Variants in TNR observed in about 807,000 individuals in gnomAD.
TNR encodes tenascin-R.
In TNR, 45 loss-of-function variants were observed where a neutral mutation model predicts 150.4. The observed-to-expected ratio is 0.30, with a 90% CI of 0.24 to 0.38. TNR has a LOEUF of 0.38. Ranked by LOEUF, TNR falls within the 10% of genes least tolerant of loss-of-function variation. The pLI, the probability that TNR is intolerant of heterozygous loss-of-function variation, is 1.00. For synonymous variants in TNR, 687 were observed against 678.4 expected (o/e 1.01, Z -0.20); for missense variants, 1,544 against 1,759.1 (o/e 0.88, Z 2.19).
chr1:175,361,915 C>T (rs1054119367), intron 14 of TNR, among the ~76,000 whole-genome samples: 1 of 152,204 alleles, frequency 6.6e-6, no homozygotes, highest in South Asian at 2.1e-4. Context: ...TTCTCTTCAG[C>T]CCCATTGCGT....
intron 7 of TNR, among the ~76,000 whole-genome samples, chr1:175,386,830 A>T (rs572682637): frequency 5.3e-5 from 8 of 152,298 alleles, no homozygotes; most frequent in African/African-American, 1.9e-4. Flanking sequence ...AGTTGCTAAG[A>T]CCATTTAAAA....
At chr1:175,679,910 C>G (rs1156672049) in intron 1 of TNR, among the ~76,000 whole-genome samples, 1 of 152,146 alleles carries the variant, frequency 6.6e-6, no homozygotes, top group Non-Finnish European at 1.5e-5. Flanking sequence ...TCACTGCCAG[C>G]CTATCAAGTC....
At chr1:175,447,042 T>C (rs1282473425) in intron 2 of TNR, among the ~76,000 whole-genome samples, 1 of 152,234 alleles carries the variant, frequency 6.6e-6, no homozygotes, top group East Asian at 1.9e-4. Flanking sequence ...CATGTGCATG[T>C]GTGTTTGCGT....
At chr1:175,635,377 C>T (rs1414716510) in intron 1 of TNR, among the ~76,000 whole-genome samples, 2 of 152,222 alleles carry the variant, frequency 1.3e-5, no homozygotes, top group Non-Finnish European at 2.9e-5. Context: ...GGAAATTCTC[C>T]AGTTGGGATT....
At position 175,328,298 on chromosome 1, in the gene TNR, A is replaced by T. The variant is rs1050785203; in HGVS notation, c.3793+1776T>A. ...CTCAACAACCTCTGATTGATAACTT[A>T]ATTTGTAATTTTCAGTTCTGATCCA... On this transcript the variant is annotated intron_variant, in intron 21 of 22. Coordinates refer to ENST00000367674, the MANE Select transcript of TNR (RefSeq NM_003285.3). 2.6e-5 allele frequency among the ~76,000 whole-genome samples: 4 copies of T among 152,284 alleles called. No individual in the cohort carries two copies. In the South Asian group the frequency reaches 8.3e-4, roughly 32 times the overall value.
chr1:175,616,945 C>T (rs908222776), intron 1 of TNR, among the ~76,000 whole-genome samples: 1 of 152,192 alleles, frequency 6.6e-6, no homozygotes, highest in African/African-American at 2.4e-5. Context: ...CAGCTTCAGC[C>T]ATCTATAATT....
chr1:175,528,777 T>C (rs1382927478), intron 1 of TNR, among the ~76,000 whole-genome samples: 2 of 152,160 alleles, frequency 1.3e-5, no homozygotes, highest in Non-Finnish European at 1.5e-5. Context: ...CTTATGTCCT[T>C]AATGTCCTTG....
intron 1 of TNR, among the ~76,000 whole-genome samples, chr1:175,555,579 A>C (rs1661124853): frequency 6.6e-6 from 1 of 152,076 alleles, no homozygotes; most frequent in Admixed American, 6.5e-5. Flanking sequence ...ACAAGATGCA[A>C]AATTCAGCTC....
chr1:175,526,526 TAC>T (rs777322799), intron 2 of TNR, among the ~76,000 whole-genome samples: 4 of 152,164 alleles, frequency 2.6e-5, no homozygotes, highest in Non-Finnish European at 5.9e-5. Flanking sequence ...GAGAAAGTAG[TAC>T]GGTACTTCAA....
At chr1:175,558,643 T>A (rs1340254964) in intron 1 of TNR, among the ~76,000 whole-genome samples, 1 of 152,202 alleles carries the variant, frequency 6.6e-6, no homozygotes, top group Non-Finnish European at 1.5e-5. Flanking sequence ...ATTGATCCCA[T>A]GGGAGTTTTA....
intron 1 of TNR, among the ~76,000 whole-genome samples, chr1:175,729,013 A>T (rs1032946374): frequency 2.0e-5 from 3 of 152,184 alleles, no homozygotes; most frequent in Non-Finnish European, 4.4e-5. Context: ...AGGGAGAGGC[A>T]TTCAAAAGGA....
chr1:175,496,727 G>C (rs1229917436), intron 2 of TNR, among the ~76,000 whole-genome samples: 2 of 152,194 alleles, frequency 1.3e-5, no homozygotes, highest in South Asian at 2.1e-4. Flanking sequence ...TCTCCTAGCT[G>C]TTAAAAAGGG....
At chr1:175,729,263 C>A (rs1667563216) in intron 1 of TNR, among the ~76,000 whole-genome samples, 1 of 152,132 alleles carries the variant, frequency 6.6e-6, no homozygotes, top group African/African-American at 2.4e-5. Context: ...AATAGGGAAG[C>A]ATTTTCCTGG....
At chr1:175,503,810 G>T (rs990060250) in intron 2 of TNR, among the ~76,000 whole-genome samples, 1 of 152,226 alleles carries the variant, frequency 6.6e-6, no homozygotes, top group Non-Finnish European at 1.5e-5. Context: ...AGACAAAGAG[G>T]AAGATGGGGG....
chr1:175,504,676 G>A (rs975533521), intron 2 of TNR, among the ~76,000 whole-genome samples: 7 of 152,072 alleles, frequency 4.6e-5, no homozygotes, highest in Non-Finnish European at 1.0e-4. Flanking sequence ...TGGAGCCCCC[G>A]GCCTTCCATA....
intron 1 of TNR, among the ~76,000 whole-genome samples, chr1:175,575,016 T>G (rs1193493646): frequency 6.6e-6 from 1 of 152,244 alleles, no homozygotes; most frequent in Non-Finnish European, 1.5e-5. Flanking sequence ...TCATTGGTGC[T>G]ATTGACCAAG....
chr1:175,514,184 G>A (rs1394722171), intron 2 of TNR, among the ~76,000 whole-genome samples: 2 of 152,180 alleles, frequency 1.3e-5, no homozygotes, highest in Non-Finnish European at 2.9e-5. Context: ...TATTCCTAGT[G>A]TAATCACAAG....
intron 1 of TNR, among the ~76,000 whole-genome samples, chr1:175,667,086 C>T (rs569004042): frequency 6.6e-6 from 1 of 152,154 alleles, no homozygotes; most frequent in African/African-American, 2.4e-5. Context: ...TTCCTTCTTC[C>T]TGAATGACCT....
rs549475999 is a variant in TNR at position 175,353,570 on chromosome 1, G to A, written c.3382+821C>T. 2.0e-5 allele frequency among the ~76,000 whole-genome samples: 3 copies of A among 152,296 alleles called. No homozygotes were observed. The East Asian group carries it at 5.8e-4, about 29-fold the overall frequency. ...TATTTACTAGCCATGTAAGTCTTTG[G>A]TTTCTGTGCCCCTTGGTTTCATCAC... On this transcript the variant is annotated intron_variant, in intron 18 of 22. Coordinates refer to ENST00000367674, the MANE Select transcript of TNR (RefSeq NM_003285.3).
Sources: gnomAD v4.1 joint callset for allele counts (sites outside exome capture counted in the v4.1 genomes callset) on GRCh38, gnomAD v4.1.1 for gene constraint, MANE v1.5 for transcripts, NCBI Gene and HGNC (gene_info 2026-07-23, HGNC 2026-07-21) for gene names.